ABCG2: variants seen among roughly 807,000 people sequenced by gnomAD.
ABCG2 encodes ATP binding cassette subfamily G member 2 (JR blood group).
In ABCG2, 80 loss-of-function variants were observed where a neutral mutation model predicts 73.5. The observed-to-expected ratio is 1.09, with a 90% CI of 0.91 to 1.31. The LOEUF (loss-of-function observed/expected upper bound fraction) is 1.31. Ranked by LOEUF, ABCG2 falls within the 50% of genes most tolerant of loss-of-function variation. The pLI is 0.00. For synonymous variants in ABCG2, 269 were observed against 282.4 expected (o/e 0.95, Z 0.48); for missense variants, 796 against 786.2 (o/e 1.01, Z -0.15).
At chr4:88,128,112 G>C (rs1227059691) in intron 5 of ABCG2, among the ~76,000 whole-genome samples, 2 of 152,064 alleles carry the variant, frequency 1.3e-5, no homozygotes, top group Non-Finnish European at 2.9e-5. Context: ...TTGGGCAAAG[G>C]ATATGAACAG....
intron 1 of ABCG2, among the ~76,000 whole-genome samples, chr4:88,151,988 T>G (rs984258687): frequency 1.3e-5 from 2 of 152,186 alleles, no homozygotes; most frequent in Non-Finnish European, 2.9e-5. Context: ...ACACAGTACT[T>G]CTTCATTGCT....
intron 1 of ABCG2, among the ~76,000 whole-genome samples, chr4:88,190,857 C>T (rs908199706): frequency 1.3e-5 from 2 of 151,914 alleles, no homozygotes; most frequent in African/African-American, 2.4e-5. Context: ...CTTTTCTAAA[C>T]GTTCAGGATA....
chr4:88,108,271 T>G (rs1014578615), intron 9 of ABCG2, among the ~76,000 whole-genome samples: 15 of 152,134 alleles, frequency 9.9e-5, no homozygotes, highest in African/African-American at 3.4e-4. Flanking sequence ...GCCTGTAATA[T>G]CAGCAATTTG....
intron 8 of ABCG2, 26 bp downstream of exon 8, chr4:88,114,931 T>A (rs1723421245): frequency 6.5e-7 from 1 of 1,538,304 alleles, no homozygotes; most frequent in Non-Finnish European, 8.9e-7. Context: ...TAGGCAAAAA[T>A]CTGGGACTGT....
chr4:88,201,173 T>C (rs1282599602), intron 1 of ABCG2, among the ~76,000 whole-genome samples: 6 of 109,026 alleles, frequency 5.5e-5, no homozygotes, highest in African/African-American at 2.2e-4. Context: ...TTTGAAAAGA[T>C]CAATAAAATT....
At chr4:88,195,209 G>T (rs936985268) in intron 1 of ABCG2, among the ~76,000 whole-genome samples, 1 of 152,092 alleles carries the variant, frequency 6.6e-6, no homozygotes, top group African/African-American at 2.4e-5. Flanking sequence ...ACTCCAGCAT[G>T]GGAAACAGAG....
Position 88,121,625 on chromosome 4 carries a change from G to C in ABCG2, c.689+10C>G. The C allele has an allele frequency of 6.2e-7, 1 of 1,612,276 alleles. No individual in the cohort carries two copies. The highest frequency in any genetic ancestry group is 8.5e-7 in the Non-Finnish European group (1 of 1,179,202). On this transcript the variant is annotated intron_variant, in intron 6 of 15. Coordinates refer to ENST00000237612, the MANE Select transcript of ABCG2 (RefSeq NM_004827.3). ...TATTAACTAAAGAATAATGTTTCCA[G>C]AGCATTTACCTTTTCAGGAGCAAAA...
At chr4:88,210,286 C>T (rs1578280930) in intron 1 of ABCG2, among the ~76,000 whole-genome samples, 1 of 152,186 alleles carries the variant, frequency 6.6e-6, no homozygotes, top group Admixed American at 6.5e-5. Context: ...AACTCCTGAG[C>T]TCAAGCAACC....
At chr4:88,097,255 T>C (rs1722046160) in intron 13 of ABCG2, among the ~76,000 whole-genome samples, 198 bp downstream of exon 13, 1 of 152,066 alleles carries the variant, frequency 6.6e-6, no homozygotes, top group Admixed American at 6.5e-5. Context: ...ATTAGAACAG[T>C]AGCAAAAAAG....
chr4:88,135,340 C>T (rs1287367152), intron 2 of ABCG2, among the ~76,000 whole-genome samples: 4 of 152,196 alleles, frequency 2.6e-5, no homozygotes, highest in Non-Finnish European at 5.9e-5. Flanking sequence ...ACCCTCCTGC[C>T]CATGACATAC....
At chr4:88,125,078 G>T (rs1724292377) in intron 5 of ABCG2, among the ~76,000 whole-genome samples, 2 of 151,906 alleles carry the variant, frequency 1.3e-5, no homozygotes, top group African/African-American at 4.8e-5. Flanking sequence ...GGATCTTGAA[G>T]TCAGGAGATC....
At chr4:88,217,892 G>A (rs910897778) in intron 1 of ABCG2, among the ~76,000 whole-genome samples, 13 of 151,058 alleles carry the variant, frequency 8.6e-5, no homozygotes, top group East Asian at 1.9e-4. Flanking sequence ...CTTGAGCCCC[G>A]GTGTTTGAGG....
intron 9 of ABCG2, among the ~76,000 whole-genome samples, chr4:88,111,432 G>A (rs1723125111): frequency 6.6e-6 from 1 of 152,088 alleles, no homozygotes; most frequent in Non-Finnish European, 1.5e-5. Flanking sequence ...TAGCAATATG[G>A]TTCAACTAGG....
intron 1 of ABCG2, among the ~76,000 whole-genome samples, chr4:88,218,287 C>T (rs1729887013): frequency 6.6e-6 from 1 of 152,140 alleles, no homozygotes; most frequent in Admixed American, 6.6e-5. Flanking sequence ...GTCTAACATA[C>T]ATTATTTATT....
rs144990343 is a variant in ABCG2, at chr4:88,111,154, A to G, written c.1194+2149T>C. Among the ~76,000 whole-genome samples the G allele has an allele frequency of 5.1e-4, 77 of 152,372 alleles. No individual in the cohort carries two copies. In the East Asian group the frequency reaches 0.013, roughly 26 times the overall value. On this transcript the variant is annotated intron_variant, in intron 9 of 15. Transcript: ENST00000237612. ...GCCACATAGGCGATTTGGACAAGACATTTATAAACCATTTTTTGAAGCAAG... is the reference window on the plus strand; with the variant it reads ...GCCACATAGGCGATTTGGACAAGACGTTTATAAACCATTTTTTGAAGCAAG...
chr4:88,092,982 G>A (rs918665272), intron 15 of ABCG2, among the ~76,000 whole-genome samples: 2 of 152,164 alleles, frequency 1.3e-5, no homozygotes, highest in South Asian at 2.1e-4. Context: ...ACTGTGAGGA[G>A]CATCACAGAT....
chr4:88,210,553 TTAAAA>T (rs1729553801), intron 1 of ABCG2, among the ~76,000 whole-genome samples: 1 of 151,966 alleles, frequency 6.6e-6, no homozygotes, highest in Non-Finnish European at 1.5e-5. Flanking sequence ...CCCCATATAG[TTAAAA>T]GTGTGCTGGT....
intron 15 of ABCG2, among the ~76,000 whole-genome samples, chr4:88,093,322 G>A (rs1721765875): frequency 1.3e-5 from 2 of 151,998 alleles, no homozygotes; most frequent in Admixed American, 1.3e-4. Flanking sequence ...GGCTAACATG[G>A]TGAAACTCCA....
chr4:88,157,705 G>A (rs1578242759), intron 1 of ABCG2, among the ~76,000 whole-genome samples: 2 of 152,246 alleles, frequency 1.3e-5, no homozygotes, highest in East Asian at 1.9e-4. Flanking sequence ...TCCAGTCAAA[G>A]CTGTACTCTG....
Sources: gnomAD v4.1 joint callset for allele counts (sites outside exome capture counted in the v4.1 genomes callset) on GRCh38, gnomAD v4.1.1 for gene constraint, MANE v1.5 for transcripts, NCBI Gene and HGNC (gene_info 2026-07-23, HGNC 2026-07-21) for gene names.